Variants in CELF2 observed in about 807,000 individuals in gnomAD.
CELF2 encodes CUG triplet repeat RNA-binding protein 2.
A neutral mutation model predicts 62.6 loss-of-function variants in CELF2; 8 were observed. The observed-to-expected ratio is 0.13, with a 90% CI of 0.07 to 0.23. The LOEUF (loss-of-function observed/expected upper bound fraction) is 0.23. Among genes scored for constraint, CELF2 ranks in the 10% least tolerant of loss-of-function variants. The pLI is 1.00. For missense variants in CELF2, 333 were observed against 671.0 expected (o/e 0.50, Z 5.56); for synonymous variants, 258 against 250.0 (o/e 1.03, Z -0.30).
the CELF2 span, among the ~76,000 whole-genome samples, chr10:10,780,711 C>A: frequency 6.6e-6 from 1 of 152,172 alleles, no homozygotes; most frequent in Non-Finnish European, 1.5e-5. Context: ...CATCTCTTGA[C>A]CTTGCCATCC....
intron 1 of CELF2, among the ~76,000 whole-genome samples, chr10:11,062,491 G>T (rs753917843): frequency 6.6e-6 from 1 of 152,084 alleles, no homozygotes; most frequent in African/African-American, 2.4e-5. Context: ...CAGGAATTTG[G>T]AAGAAGTGGA....
chr10:10,696,995 C>A, the CELF2 span, among the ~76,000 whole-genome samples: 1 of 152,144 alleles, frequency 6.6e-6, no homozygotes, highest in African/African-American at 2.4e-5. Flanking sequence ...ATTCGGCCAT[C>A]TTGCGATTAT....
At chr10:11,005,130 A>C, upstream of CELF2, 1 of 985,284 alleles carries the variant, frequency 1.0e-6, no homozygotes, top group Non-Finnish European at 1.2e-6. The surrounding 1 kb of genome is among the most constrained non-coding windows in gnomAD (Gnocchi z 4.3). Context: ...GTATTAGTGT[A>C]ATAATATGCA....
Position 11,311,641 on chromosome 10 carries a change from T to C in CELF2, c.977-2498T>C, listed in dbSNP as rs1206450128. Among the ~76,000 whole-genome samples the C allele has an allele frequency of 6.6e-6, 1 of 152,158 alleles. No individual in the cohort carries two copies. The highest frequency in any genetic ancestry group is 1.5e-5 in the Non-Finnish European group (1 of 68,026). ...ACTGATTATGAAAAATGACCAATCATGTTGATAACATTCTAGAAATGAAAA... is the reference window on the plus strand; with the variant it reads ...ACTGATTATGAAAAATGACCAATCACGTTGATAACATTCTAGAAATGAAAA... On this transcript the variant is annotated intron_variant, in intron 9 of 12. Transcript: ENST00000633077. The surrounding 1 kb of genome is among the most constrained non-coding windows in gnomAD (Gnocchi z 4.7).
the CELF2 span, among the ~76,000 whole-genome samples, chr10:10,706,195 A>T: frequency 1.3e-5 from 2 of 152,314 alleles, no homozygotes; most frequent in East Asian, 3.9e-4. Context: ...ACTAGGCAGG[A>T]GTCCCTTTTA....
At chr10:10,654,203 A>G in the CELF2 span, among the ~76,000 whole-genome samples, 1 of 129,508 alleles carries the variant, frequency 7.7e-6, no homozygotes, top group Non-Finnish European at 1.7e-5. Context: ...CAATAACAGG[A>G]GCTGAAATTG....
chr10:10,864,401 G>A (rs10508419), intron 1 of CELF2, among the ~76,000 whole-genome samples: 12,326 of 152,150 alleles, frequency 0.081, 627 homozygotes, highest in East Asian at 0.22. Context: ...CTCTCTAAGG[G>A]CACAGACTAT....
intron 1 of CELF2, among the ~76,000 whole-genome samples, chr10:11,083,186 A>G (rs1046328254): frequency 2.0e-5 from 3 of 152,170 alleles, no homozygotes; most frequent in African/African-American, 7.2e-5. Flanking sequence ...ATCTGTTGAC[A>G]GCTGACACCT....
At chr10:10,556,358 G>A in the CELF2 span, among the ~76,000 whole-genome samples, 1 of 152,052 alleles carries the variant, frequency 6.6e-6, no homozygotes, top group African/African-American at 2.4e-5. Context: ...CAAAGGACAT[G>A]AACTCATCAT....
rs1362181960 is a variant in CELF2 at position 11,237,071 on chromosome 10, G to A, written c.355-12082G>A. The stretch of plus-strand genomic sequence containing the variant: ...TTTTAGACAGATTAAAAAGGCAATG[G>A]TGTAGAAGATGGAAGGCAATGACCA... On this transcript the variant is annotated intron_variant, in intron 3 of 12. Transcript: ENST00000633077. The surrounding 1 kb of genome is among the most constrained non-coding windows in gnomAD (Gnocchi z 4.0). 1.3e-5 allele frequency among the ~76,000 whole-genome samples: 2 copies of A among 152,192 alleles called. No individual in the cohort carries two copies. The highest frequency in any genetic ancestry group is 2.9e-5 in the Non-Finnish European group (2 of 68,042).
At chr10:10,750,973 A>G in the CELF2 span, among the ~76,000 whole-genome samples, 6 of 152,234 alleles carry the variant, frequency 3.9e-5, no homozygotes, top group South Asian at 2.1e-4. Flanking sequence ...AGATGATACA[A>G]AGACCTACAG....
chr10:10,493,123 T>C, the CELF2 span, among the ~76,000 whole-genome samples: 4 of 152,258 alleles, frequency 2.6e-5, no homozygotes, highest in East Asian at 7.7e-4. Context: ...TTCTGACACA[T>C]GTTACAACAT....
chr10:10,480,350 A>G, the CELF2 span, among the ~76,000 whole-genome samples: 35,308 of 152,034 alleles, frequency 0.23, 4,762 homozygotes, highest in African/African-American at 0.38. Context: ...AACCAGGTTT[A>G]TTTGAGAGTC....
chr10:10,563,859 TA>T, the CELF2 span, among the ~76,000 whole-genome samples: 3 of 152,116 alleles, frequency 2.0e-5, no homozygotes, highest in African/African-American at 7.2e-5. Context: ...TAAGTTGCCT[TA>T]AAAATAGTTA....
rs988378317 is a variant in CELF2 at position 10,945,745 on chromosome 10, C to T, written c.89+25746C>T. ...GAGCCCTGTGGTACCATTGATCCCA[C>T]ACACCTAATGTCCTGGGGGAGTCAA... On this transcript the variant is annotated intron_variant, in intron 2 of 13. Coordinates refer to the CELF2 transcript ENST00000636488. Among the ~76,000 whole-genome samples the T allele has an allele frequency of 2.0e-5, 3 of 152,312 alleles. No homozygotes were observed. The East Asian group carries it at 5.8e-4, about 29-fold the overall frequency.
intron 2 of CELF2, chr10:10,925,310 C>G (rs371367770): frequency 6.6e-6 from 1 of 152,180 alleles, no homozygotes. Context: ...AGCAGCTCCC[C>G]CAGCTCTCCT....
chr10:10,547,976 G>A, the CELF2 span, among the ~76,000 whole-genome samples: 11 of 152,000 alleles, frequency 7.2e-5, no homozygotes, highest in Non-Finnish European at 7.4e-5. Context: ...TAAAAGGTGC[G>A]GCTCTTTTAA....
At chr10:10,883,075 A>C (rs1284733267) in intron 1 of CELF2, among the ~76,000 whole-genome samples, 5 of 152,158 alleles carry the variant, frequency 3.3e-5, no homozygotes, top group Non-Finnish European at 5.9e-5. Context: ...GTTTACTTTC[A>C]TTGTTATTGT....
intron 1 of CELF2, among the ~76,000 whole-genome samples, chr10:10,846,867 A>T (rs11256862): frequency 0.12 from 18,410 of 152,198 alleles, 1,440 homozygotes; most frequent in Non-Finnish European, 0.18. Context: ...TCTATTGTAC[A>T]TGCTGTTTAA....
Sources: gnomAD v4.1 joint callset for allele counts (sites outside exome capture counted in the v4.1 genomes callset) on GRCh38, gnomAD v4.1.1 for gene constraint, Gnocchi (gnomAD v3.1) non-coding constraint, MANE v1.5 for transcripts, NCBI Gene and HGNC (gene_info 2026-07-23, HGNC 2026-07-21) for gene names.